The following SLC67A2 variants were observed in gnomAD, a reference collection of about 807,000 sequenced individuals.
The protein encoded by SLC67A2 is solute carrier family 67 member A2.
chr2:102,726,937 A>C, the SLC67A2 span: 2 of 1,613,618 alleles, frequency 1.2e-6, no homozygotes, highest in African/African-American at 1.3e-5. Flanking sequence ...GCATGCCAGC[A>C]AGGAAGACCG....
At chr2:102,726,767 G>T in the SLC67A2 span, 1,217 of 1,521,988 alleles carry the variant, frequency 8.0e-4, 18 homozygotes, top group East Asian at 0.023. Context: ...GGTGGCCCAG[G>T]AGGAAGCGTG....
chr2:102,736,690 C>G, the SLC67A2 span: 1 of 1,613,468 alleles, frequency 6.2e-7, no homozygotes, highest in Non-Finnish European at 8.5e-7. Flanking sequence ...CGGCGGGCTC[C>G]GACGGCACCG....
At chr2:102,736,809 A>G in the SLC67A2 span, 49 of 1,600,062 alleles carry the variant, frequency 3.1e-5, 1 homozygote, top group Middle Eastern at 8.8e-4. Flanking sequence ...CCCAAGCTCC[A>G]TACCCGCGCC....
the SLC67A2 span, chr2:102,736,387 C>A: frequency 4.5e-5 from 39 of 872,678 alleles, no homozygotes; most frequent in Non-Finnish European, 6.4e-5. Context: ...GGTACCAGGG[C>A]TTCTCAAAAG....
At chr2:102,731,163 A>G in the SLC67A2 span, 1 of 1,020,586 alleles carries the variant, frequency 9.8e-7, no homozygotes, top group African/African-American at 1.6e-5. Context: ...ACAGAAAAAC[A>G]TTAGGGTAAG....
the SLC67A2 span, chr2:102,718,530 A>C: frequency 8.7e-6 from 14 of 1,613,308 alleles, no homozygotes; most frequent in Non-Finnish European, 1.2e-5. Context: ...GGGGGGCCGC[A>C]AGGGCTGACC....
the SLC67A2 span, chr2:102,719,089 G>A: frequency 1.9e-6 from 3 of 1,614,222 alleles, no homozygotes; most frequent in Non-Finnish European, 2.5e-6. Context: ...TGCGGCTGGT[G>A]GCTGCCTCCT....
the SLC67A2 span, chr2:102,718,486 A>G: frequency 6.2e-7 from 1 of 1,614,134 alleles, no homozygotes; most frequent in Non-Finnish European, 8.5e-7. Flanking sequence ...ACATTATGAA[A>G]ATGGCCACTA....
the SLC67A2 span, chr2:102,719,301 A>C: frequency 1.6e-6 from 2 of 1,259,978 alleles, no homozygotes; most frequent in Non-Finnish European, 2.2e-6. Context: ...GTGTTAGATT[A>C]CTAATCTATA....
At chr2:102,732,291 G>A in the SLC67A2 span, 2 of 1,549,254 alleles carry the variant, frequency 1.3e-6, no homozygotes, top group Non-Finnish European at 1.8e-6. Context: ...AAAATTCAGT[G>A]CTCTAAAAAT....
chr2:102,736,691 G>A, the SLC67A2 span: 42 of 1,613,290 alleles, frequency 2.6e-5, no homozygotes, highest in Non-Finnish European at 3.2e-5. Context: ...GGCGGGCTCC[G>A]ACGGCACCGG....
At chr2:102,727,482 A>G in the SLC67A2 span, among the ~76,000 whole-genome samples, 1 of 152,344 alleles carries the variant, frequency 6.6e-6, no homozygotes, top group African/African-American at 2.4e-5. Context: ...GCATCATTCC[A>G]TGTTATTAAA....
the SLC67A2 span, chr2:102,736,645 C>A: frequency 6.2e-7 from 1 of 1,613,850 alleles, no homozygotes; most frequent in Non-Finnish European, 8.5e-7. Flanking sequence ...CTCGCACTCA[C>A]CAAGAAGCCC....
the SLC67A2 span, chr2:102,731,086 A>G: frequency 1.2e-6 from 2 of 1,611,416 alleles, no homozygotes; most frequent in East Asian, 2.2e-5. Flanking sequence ...AAACAAATCA[A>G]TAACAATAAA....
At chr2:102,724,081 C>T in the SLC67A2 span, among the ~76,000 whole-genome samples, 1 of 152,094 alleles carries the variant, frequency 6.6e-6, no homozygotes, top group Non-Finnish European at 1.5e-5. Flanking sequence ...TTTCTTTGAA[C>T]TTCTGAGGTC....
chr2:102,732,480 A>C, the SLC67A2 span: 50 of 1,251,416 alleles, frequency 4.0e-5, no homozygotes, highest in South Asian at 4.3e-4. Flanking sequence ...AATTTAAACT[A>C]ATTTAAAAAA....
At chr2:102,724,196 C>T in the SLC67A2 span, among the ~76,000 whole-genome samples, 2 of 152,118 alleles carry the variant, frequency 1.3e-5, no homozygotes, top group Non-Finnish European at 2.9e-5. Flanking sequence ...GCTTGCCTAC[C>T]TCCTGTCATG....
the SLC67A2 span, among the ~76,000 whole-genome samples, chr2:102,721,657 C>CTG: frequency 0.36 from 53,353 of 148,850 alleles, 9,497 homozygotes; most frequent in East Asian, 0.57. Context: ...GCTCATAGTC[C>CTG]TGTGTGTGTG....
the SLC67A2 span, chr2:102,716,344 T>A: frequency 4.6e-5 from 7 of 152,364 alleles, no homozygotes; most frequent in African/African-American, 1.7e-4. Flanking sequence ...ATCTTTGAGA[T>A]CCAAACTCTT....
Sources: gnomAD v4.1 joint callset for allele counts (sites outside exome capture counted in the v4.1 genomes callset) on GRCh38, gnomAD v4.1.1 for gene constraint, MANE v1.5 for transcripts, NCBI Gene and HGNC (gene_info 2026-07-23, HGNC 2026-07-21) for gene names.